DOCK5: variants seen among roughly 807,000 people sequenced by gnomAD.
DOCK5 encodes dedicator of cytokinesis protein 5.
In DOCK5, 142 loss-of-function variants were observed where a neutral mutation model predicts 251.8. The ratio of observed to expected loss-of-function variants is 0.56; its 90% CI spans 0.49 to 0.65. The LOEUF is 0.65. DOCK5 is among the 30% of genes least tolerant of loss of function. The pLI, the probability that DOCK5 is intolerant of heterozygous loss-of-function variation, is 0.00. For synonymous variants in DOCK5, 842 were observed against 835.5 expected (o/e 1.01, Z -0.13); for missense variants, 2,111 against 2,312.3 (o/e 0.91, Z 1.79).
chr8:25,309,831 AAAAG>A (rs536337900), intron 12 of DOCK5, among the ~76,000 whole-genome samples: 27 of 152,320 alleles, frequency 1.8e-4, no homozygotes, highest in Non-Finnish European at 2.6e-4. Flanking sequence ...AAATAAAAAA[AAAAG>A]AAAGAAAGAC....
At chr8:25,239,169 A>C (rs762838632) in intron 1 of DOCK5, among the ~76,000 whole-genome samples, 4 of 152,192 alleles carry the variant, frequency 2.6e-5, no homozygotes, top group Non-Finnish European at 5.9e-5. Context: ...AGGGGAGAAC[A>C]TAGGAGTCTT....
At chr8:25,377,483 T>C in intron 38 of DOCK5, 59 bp downstream of exon 38, 3 of 1,557,164 alleles carry the variant, frequency 1.9e-6, no homozygotes, top group Non-Finnish European at 1.7e-6. Context: ...AGTATCGCAA[T>C]ACAATTCTGA....
At chr8:25,410,518 A>G (rs567365799) in intron 51 of DOCK5, among the ~76,000 whole-genome samples, 5 of 151,936 alleles carry the variant, frequency 3.3e-5, no homozygotes, top group Non-Finnish European at 5.9e-5. Flanking sequence ...CTGGAGTGCA[A>G]TAGTGCGATC....
At chr8:25,271,994 C>T (rs1026747118) in intron 3 of DOCK5, among the ~76,000 whole-genome samples, 1 of 152,196 alleles carries the variant, frequency 6.6e-6, no homozygotes, top group African/African-American at 2.4e-5. Context: ...ATAACAAATA[C>T]ATGCTATATA....
chr8:25,303,737 A>C (rs575862334), intron 10 of DOCK5, among the ~76,000 whole-genome samples: 1 of 152,238 alleles, frequency 6.6e-6, no homozygotes, highest in African/African-American at 2.4e-5. Context: ...CGAGGCAGGC[A>C]GATCATCTGA....
At chr8:25,299,225 A>G in intron 8 of DOCK5, 124 bp downstream of exon 8, 1 of 1,151,044 alleles carries the variant, frequency 8.7e-7, no homozygotes, top group Non-Finnish European at 1.2e-6. Context: ...GAAGATTTCT[A>G]AGCAGTAGAA....
intron 6 of DOCK5, among the ~76,000 whole-genome samples, chr8:25,293,000 A>C (rs1382464137): frequency 1.3e-5 from 2 of 152,100 alleles, no homozygotes; most frequent in African/African-American, 4.8e-5. Context: ...TCACTTCATT[A>C]ATCTTCTGAT....
intron 34 of DOCK5, among the ~76,000 whole-genome samples, chr8:25,370,297 C>T (rs1170744109): frequency 3.9e-5 from 6 of 152,224 alleles, no homozygotes; most frequent in Admixed American, 1.3e-4. Flanking sequence ...ACCCTGTTTT[C>T]GCCACATATT....
At chr8:25,252,854 C>CA (rs1200964063) in intron 2 of DOCK5, among the ~76,000 whole-genome samples, 1 of 152,036 alleles carries the variant, frequency 6.6e-6, no homozygotes, top group Non-Finnish European at 1.5e-5. Context: ...TTTTTTGAGA[C>CA]AGAGTGTTAC....
chr8:25,270,318 A>T (rs1051816046), intron 3 of DOCK5, among the ~76,000 whole-genome samples: 2 of 152,190 alleles, frequency 1.3e-5, no homozygotes. Context: ...AGTAAATGAG[A>T]ACATGACAGA....
intron 1 of DOCK5, among the ~76,000 whole-genome samples, chr8:25,217,776 T>C (rs146588652): frequency 5.1e-4 from 78 of 152,338 alleles, no homozygotes; most frequent in Admixed American, 7.8e-4. Context: ...CATTGAATCA[T>C]GTAGTGAGGA....
intron 36 of DOCK5, among the ~76,000 whole-genome samples, 200 bp downstream of exon 36, chr8:25,373,858 G>A (rs1044153325): frequency 2.6e-5 from 4 of 152,204 alleles, no homozygotes; most frequent in African/African-American, 7.2e-5. Context: ...GAGTGCCTAT[G>A]TGAGGTCATG....
Position 25,410,161 on chromosome 8 carries a change from A to G in DOCK5, c.5467A>G (p.Lys1823Glu), listed in dbSNP as rs771666134. ...TCCTGTCCCACCTCCACCTCCCCCC[A>G]AAAGCAAGCCCTATGAAGGCAGCCA... ...ATPVPPPPPP[K>E]SKPYEGSQRN... is the part of the protein sequence containing the mutation. Residue 1823 changes from lysine (K) to glutamate (E), a missense_variant, in exon 51 of 52, where the codon AAA becomes GAA. Coordinates refer to ENST00000276440, the MANE Select transcript of DOCK5 (RefSeq NM_024940.8). 1.2e-6 allele frequency: 2 copies of G among 1,613,524 alleles called. No individual in the cohort carries two copies. The highest frequency in any genetic ancestry group is 1.3e-5 in the African/African-American group (1 of 74,962).
At chr8:25,344,564 A>G (rs768559449) in intron 25 of DOCK5, among the ~76,000 whole-genome samples, 1 of 152,190 alleles carries the variant, frequency 6.6e-6, no homozygotes, top group Non-Finnish European at 1.5e-5. Flanking sequence ...GTTCTGTGGA[A>G]GGAAGGACTT....
chr8:25,375,835 C>T (rs1418667444), intron 37 of DOCK5: 19 of 982,320 alleles, frequency 1.9e-5, no homozygotes, highest in Admixed American at 6.2e-5. Context: ...TGGTGGCTCA[C>T]GCCTGTAATC....
Position 25,380,414 on chromosome 8 carries a change from T to C in DOCK5, c.4026+20T>C, listed in dbSNP as rs1409489252. 1.9e-6 allele frequency: 3 copies of C among 1,585,778 alleles called. No homozygotes were observed. The highest frequency in any genetic ancestry group is 2.7e-5 in the African/African-American group (2 of 74,436). ...CTCCTGGTGAGTCTGGGTCAAAATA[T>C]GTTAGGCCTCTGACAGGGTTGCTAA... On this transcript the variant is annotated intron_variant, in intron 39 of 51. Coordinates refer to ENST00000276440, the MANE Select transcript of DOCK5 (RefSeq NM_024940.8).
intron 1 of DOCK5, among the ~76,000 whole-genome samples, chr8:25,203,760 A>G (rs559077959): frequency 6.6e-6 from 1 of 152,178 alleles, no homozygotes; most frequent in Non-Finnish European, 1.5e-5. Context: ...ACATATGGAC[A>G]TAGTGATTTT....
intron 23 of DOCK5, 101 bp from the exon 24 acceptor site, chr8:25,341,638 A>G: frequency 2.1e-6 from 2 of 939,560 alleles, no homozygotes; most frequent in South Asian, 1.4e-5. Flanking sequence ...CCAGTTCCCT[A>G]TATAAGTTCC....
intron 14 of DOCK5, chr8:25,317,498 AGAAAGCAT>A (rs1487474127): frequency 5.8e-6 from 1 of 172,730 alleles, no homozygotes; most frequent in Non-Finnish European, 1.3e-5. Flanking sequence ...GAATAGCATC[AGAAAGCAT>A]GTTTCCTTCC....
Sources: gnomAD v4.1 joint callset for allele counts (sites outside exome capture counted in the v4.1 genomes callset) on GRCh38, gnomAD v4.1.1 for gene constraint, MANE v1.5 for transcripts, NCBI Gene and HGNC (gene_info 2026-07-23, HGNC 2026-07-21) for gene names.